RUNX3: variants seen among roughly 807,000 people sequenced by gnomAD.
RUNX3 encodes runt-related transcription factor 3.
RUNX3 carries 10 observed loss-of-function variants against 27.7 expected under a neutral mutation model. The ratio of observed to expected loss-of-function variants is 0.36; its 90% CI spans 0.22 to 0.61. RUNX3 has a LOEUF of 0.61. Ranked by LOEUF, RUNX3 falls within the 20% of genes least tolerant of loss-of-function variation. The pLI is 0.72. For missense variants in RUNX3, 469 were observed against 629.5 expected (o/e 0.75, Z 2.73); for synonymous variants, 270 against 269.2 (o/e 1.00, Z -0.03).
At chr1:24,929,181 G>A in intron 1 of RUNX3, 1 of 480,254 alleles carries the variant, frequency 2.1e-6, no homozygotes, top group South Asian at 1.5e-5. Context: ...AGGGGTGCTG[G>A]AGGCGGAGGG....
chr1:24,962,003 A>G lies in RUNX3; in HGVS notation c.58+2511T>C, dbSNP rs953164321. The G allele has an allele frequency of 6.6e-6, 1 of 152,196 alleles. No homozygotes were observed. The highest frequency in any genetic ancestry group is 2.4e-5 in the African/African-American group (1 of 41,430). The allele number at this position is 152,196 out of a possible 1,614,324, so 9.4% of individuals were successfully genotyped here. Reference sequence around the variant, plus strand: ...GCGTATAATTTAGGGGGTCTGTGACACTGGGCTGGAGATAACCGTGTCTTT... The same window carrying G: ...GCGTATAATTTAGGGGGTCTGTGACGCTGGGCTGGAGATAACCGTGTCTTT... On this transcript the variant is annotated intron_variant, in intron 2 of 6. Coordinates refer to the RUNX3 transcript ENST00000338888. The surrounding 1 kb of genome is among the most constrained non-coding windows in gnomAD (Gnocchi z 4.5).
At chr1:24,953,076 TGAA>T (rs750902705) in intron 2 of RUNX3, among the ~76,000 whole-genome samples, 27 of 151,394 alleles carry the variant, frequency 1.8e-4, no homozygotes, top group Middle Eastern at 6.8e-3. Context: ...AGTTGAAAAA[TGAA>T]AAAAAGGCAG....
At chr1:24,932,451 G>A (rs1186059394), upstream of RUNX3, among the ~76,000 whole-genome samples, 1 of 152,178 alleles carries the variant, frequency 6.6e-6, no homozygotes, top group South Asian at 2.1e-4. Flanking sequence ...GGAGGTGCGG[G>A]CCCGGCCGGG....
At chr1:24,934,919 T>A (rs532747691), upstream of RUNX3, among the ~76,000 whole-genome samples, 1 of 151,828 alleles carries the variant, frequency 6.6e-6, no homozygotes, top group Admixed American at 6.6e-5. Flanking sequence ...CTGCAGGGAG[T>A]CAGGAAGGAC....
chr1:24,923,814 ATC>A lies in RUNX3; in HGVS notation c.439+3758_439+3759del, dbSNP rs1238966756. On this transcript the variant is annotated intron_variant, in intron 2 of 4. Coordinates refer to ENST00000308873, the MANE Select transcript of RUNX3 (RefSeq NM_004350.3). The surrounding 1 kb of genome is among the most constrained non-coding windows in gnomAD (Gnocchi z 5.9). ...CCTGCACCGGCACACTGCACCCCGA[ATC>A]TCTGTCGACACACAGTTGCTTTTTA... Among the ~76,000 whole-genome samples, 1 of 152,126 alleles carries A rather than the reference ATC, an allele frequency of 6.6e-6. No individual in the cohort carries two copies. Among genetic ancestry groups the A allele is most frequent in the Non-Finnish European group, 1.5e-5 (1 of 68,008 alleles).
In RUNX3 at chr1:24,930,264, A is replaced by G; in HGVS notation, c.-396T>C. 1.0e-6 allele frequency: 1 copy of G among 982,002 alleles called. No homozygotes were observed. The highest frequency in any genetic ancestry group is 1.2e-6 in the Non-Finnish European group (1 of 827,820). The allele number at this position is 982,002 out of a possible 1,614,324, so 60.8% of individuals were successfully genotyped here. A position where few individuals can be genotyped will look rare whatever the true frequency, so the allele number is the denominator to read the frequency against. ...GCCGCAGCCCCAGAACAAATCCTCC[A>G]GAATCAAGTGGCGGGGCCGCGGCCG... is the stretch of plus-strand genomic sequence containing the variant. On this transcript the variant is annotated 5_prime_UTR_variant, in exon 1 of 5. Transcript: ENST00000308873. The surrounding 1 kb of genome is among the most constrained non-coding windows in gnomAD (Gnocchi z 4.1).
intron 3 of RUNX3, among the ~76,000 whole-genome samples, chr1:24,914,317 G>C (rs1329188904): frequency 6.6e-6 from 1 of 152,250 alleles, no homozygotes; most frequent in African/African-American, 2.4e-5. Flanking sequence ...TGGCCGCCTG[G>C]TGCGGCTGTG....
chr1:24,958,401 T>C (rs1182091137), intron 2 of RUNX3, among the ~76,000 whole-genome samples: 1 of 152,236 alleles, frequency 6.6e-6, no homozygotes, highest in Non-Finnish European at 1.5e-5. Flanking sequence ...TTCAATGTTT[T>C]ACAAGACCAC....
At chr1:24,955,004 C>T (rs1473945411) in intron 2 of RUNX3, among the ~76,000 whole-genome samples, 3 of 152,156 alleles carry the variant, frequency 2.0e-5, no homozygotes, top group African/African-American at 7.2e-5. Context: ...AGTCTCCTCT[C>T]CCTCAAGCCC....
At chr1:24,951,522 C>T (rs1641766053) in intron 2 of RUNX3, among the ~76,000 whole-genome samples, 1 of 152,226 alleles carries the variant, frequency 6.6e-6, no homozygotes, top group Admixed American at 6.5e-5. Flanking sequence ...GAGGCAATGA[C>T]TCACCCAGTA....
chr1:24,931,285 A>G (rs1641222147), upstream of RUNX3, among the ~76,000 whole-genome samples: 1 of 152,142 alleles, frequency 6.6e-6, no homozygotes, highest in Admixed American at 6.5e-5. Flanking sequence ...GCTGCGCCGC[A>G]GGGACCGCGG....
chr1:24,930,186 C>A lies in RUNX3; in HGVS notation c.-318G>T, dbSNP rs1641191066. Reference sequence around the variant, plus strand: ...CGGCGGGGCCCGCGCGGGGCTGTGCCGCTGCCGCCGCCTCCCGCCCCGAAG... The same window carrying A: ...CGGCGGGGCCCGCGCGGGGCTGTGCAGCTGCCGCCGCCTCCCGCCCCGAAG... On this transcript the variant is annotated 5_prime_UTR_variant, in exon 1 of 5. Transcript: ENST00000308873. This position sits in a 1 kb window ranked among gnomAD's most constrained non-coding sequence, Gnocchi z 4.1. 3.1e-6 allele frequency: 3 copies of A among 979,170 alleles called. No homozygotes were observed. The highest frequency in any genetic ancestry group is 3.6e-6 in the Non-Finnish European group (3 of 827,072). 60.7% of individuals were successfully genotyped at this position (979,170 alleles called of 1,614,324 possible).
intron 1 of RUNX3, chr1:24,929,032 C>A (rs1177076929): frequency 4.4e-6 from 2 of 456,940 alleles, no homozygotes; most frequent in African/African-American, 2.0e-5. Flanking sequence ...CCCCCAATCT[C>A]AACTCGCCAT....
In RUNX3 at chr1:24,915,411, A is replaced by C. The variant is rs192952638; in HGVS notation, c.544+3829T>G. ...TGCACTCCAGCCTGGGCAACAGAGC[A>C]AGACTCCATCTCAAAAAACAAAACA... is the stretch of plus-strand genomic sequence containing the variant. On this transcript the variant is annotated intron_variant, in intron 3 of 4. Coordinates refer to ENST00000308873, the MANE Select transcript of RUNX3 (RefSeq NM_004350.3). Among the ~76,000 whole-genome samples the C allele has an allele frequency of 7.2e-5, 11 of 152,332 alleles. No homozygotes were observed. In the East Asian group the frequency reaches 2.1e-3, roughly 29 times the overall value.
intron 2 of RUNX3, among the ~76,000 whole-genome samples, chr1:24,950,907 C>T (rs1641743993): frequency 6.6e-6 from 1 of 151,962 alleles, no homozygotes; most frequent in Non-Finnish European, 1.5e-5. Context: ...TGATGTGCTG[C>T]CGTAAGAAGG....
chr1:24,956,048 G>A lies in RUNX3; in HGVS notation c.58+8466C>T, dbSNP rs144318471. 4.4e-3 allele frequency among the ~76,000 whole-genome samples: 676 copies of A among 152,382 alleles called. 12 individuals carry two copies. Among genetic ancestry groups the A allele is most frequent in the Non-Finnish European group, 1.5e-3 (102 of 68,040 alleles). On this transcript the variant is annotated intron_variant, in intron 2 of 6. Transcript: ENST00000338888. ...CACAAGCATTTCCTGAGCACCTACT[G>A]TATGCATGGCTCTGCGCAGCCCGGG...
intron 2 of RUNX3, among the ~76,000 whole-genome samples, chr1:24,955,381 T>G (rs1034022885): frequency 6.6e-6 from 1 of 152,160 alleles, no homozygotes; most frequent in African/African-American, 2.4e-5. Flanking sequence ...AGGTCCTCTT[T>G]CCTCTTCTTA....
Position 24,927,651 on chromosome 1 carries a change from A to G in RUNX3, c.362T>C (p.Leu121Pro). Residue 121 changes from leucine to proline, a missense_variant, in exon 2 of 5, where the codon CTG (leucine) becomes CCG (proline). This residue lies in a region of RUNX3 where 75 missense variants were observed against 168.5 expected (regional missense o/e 0.45). Transcript: ENST00000308873. The surrounding 1 kb of genome is among the most constrained non-coding windows in gnomAD (Gnocchi z 5.0). ...AGNDENYSAE[L>P]RNASAVMKNQ... ...CTTCATGACGGCCGAGGCATTGCGC[A>G]GCTCAGCGGAGTAGTTCTCGTCATT... The G allele has an allele frequency of 6.2e-7, 1 of 1,614,168 alleles. No individual in the cohort carries two copies. The highest frequency in any genetic ancestry group is 8.5e-7 in the Non-Finnish European group (1 of 1,180,032).
chr1:24,919,170 T>A lies in RUNX3; in HGVS notation c.544+70A>T, dbSNP rs1640945662. 4 of 944,046 alleles carry A rather than the reference T, an allele frequency of 4.2e-6. No individual in the cohort carries two copies. The South Asian group carries it at 4.5e-5, about 11-fold the overall frequency. 58.5% of individuals were successfully genotyped at this position (944,046 alleles called of 1,614,324 possible). ...CGAGGAGGGCTCCATCTGTCTGACC[T>A]AGCTGCTGTCCTTCCCGCACTGGAC... On this transcript the variant is annotated intron_variant, in intron 3 of 4. Transcript: ENST00000308873.
Sources: gnomAD v4.1 joint callset for allele counts (sites outside exome capture counted in the v4.1 genomes callset) on GRCh38, gnomAD v4.1.1 for gene constraint, gnomAD v4.1.1 regional missense constraint, Gnocchi (gnomAD v3.1) non-coding constraint, MANE v1.5 for transcripts, NCBI Gene and HGNC (gene_info 2026-07-23, HGNC 2026-07-21) for gene names.